The following LRP1B variants were observed in gnomAD, a reference collection of about 807,000 sequenced individuals.
LRP1B encodes the protein LDL receptor related protein 1B.
In LRP1B, 217 loss-of-function variants were observed where a neutral mutation model predicts 556.6. The observed-to-expected ratio is 0.39, with a 90% confidence interval of 0.35 to 0.44. The LOEUF is 0.44. LRP1B is among the 20% of genes least tolerant of loss of function. The pLI, the probability that LRP1B is intolerant of heterozygous loss-of-function variation, is 1.00. For synonymous variants in LRP1B, 2,047 were observed against 1,865.8 expected (o/e 1.10, Z -2.50); for missense variants, 5,053 against 5,620.8 (o/e 0.90, Z 3.23).
At position 141,105,942 on chromosome 2, in the gene LRP1B, G is replaced by A. The variant is rs142858064; in HGVS notation, c.1014-43669C>T. Among the ~76,000 whole-genome samples the A allele has an allele frequency of 4.4e-3, 671 of 152,226 alleles. 4 individuals are homozygous for A. Among genetic ancestry groups the A allele is most frequent in the African/African-American group, 0.015 (626 of 41,534 alleles). ...TTAAAAAAAAAGCTGGTCACCTTGA[G>A]AGCAGTGAAAGTTAAAAGTTGGGAG... On this transcript the variant is annotated intron_variant, in intron 7 of 90. Coordinates refer to ENST00000389484, the MANE Select transcript of LRP1B (RefSeq NM_018557.3).
At chr2:140,832,971 G>A (rs538780093) in intron 31 of LRP1B, among the ~76,000 whole-genome samples, 1 of 152,236 alleles carries the variant, frequency 6.6e-6, no homozygotes, top group Admixed American at 6.5e-5. Context: ...TTATATGCAT[G>A]TATCAAAATA....
At chr2:141,253,635 A>AT (rs1684351339) in intron 4 of LRP1B, among the ~76,000 whole-genome samples, 1 of 151,990 alleles carries the variant, frequency 6.6e-6, no homozygotes, top group Non-Finnish European at 1.5e-5. Flanking sequence ...TATCTCATGA[A>AT]TTTTTTCAAA....
chr2:141,306,828 A>G (rs1275878206), intron 3 of LRP1B, among the ~76,000 whole-genome samples: 1 of 152,042 alleles, frequency 6.6e-6, no homozygotes, highest in African/African-American at 2.4e-5. Context: ...TCATTTAAGA[A>G]ATTTTTTTAT....
rs149374393 is a variant in LRP1B at position 142,055,458 on chromosome 2, A to G, written c.82+75190T>C. Among the ~76,000 whole-genome samples, 755 of 152,310 alleles carry G rather than the reference A, an allele frequency of 5.0e-3. 9 individuals carry two copies. Among genetic ancestry groups the G allele is most frequent in the African/African-American group, 0.018 (734 of 41,580 alleles). ...GAAAAATGTAATGGGAAGAAATAAA[A>G]TTAACAGAATGTACAGGAGCCCTTT... On this transcript the variant is annotated intron_variant, in intron 1 of 90. Coordinates refer to ENST00000389484, the MANE Select transcript of LRP1B (RefSeq NM_018557.3).
At chr2:140,846,107 A>G (rs536991737) in intron 29 of LRP1B, among the ~76,000 whole-genome samples, 37 of 152,328 alleles carry the variant, frequency 2.4e-4, no homozygotes, top group African/African-American at 7.7e-4. Context: ...AGACATCACC[A>G]AAAGAATGAC....
At chr2:142,059,975 A>G (rs72849811) in intron 1 of LRP1B, among the ~76,000 whole-genome samples, 10,359 of 152,174 alleles carry the variant, frequency 0.068, 478 homozygotes, top group Non-Finnish European at 0.094. Flanking sequence ...ACCTTTTTAT[A>G]TCATGTGTTT....
At chr2:141,250,182 G>A (rs962333648) in intron 4 of LRP1B, among the ~76,000 whole-genome samples, 7 of 152,158 alleles carry the variant, frequency 4.6e-5, no homozygotes, top group African/African-American at 1.4e-4. Flanking sequence ...AATTTTTTGA[G>A]TAATAGGATT....
At chr2:140,885,256 A>G (rs1028412424) in intron 24 of LRP1B, among the ~76,000 whole-genome samples, 1 of 152,032 alleles carries the variant, frequency 6.6e-6, no homozygotes, top group African/African-American at 2.4e-5. Flanking sequence ...TGCAAAGGTG[A>G]TTTACAATGG....
intron 3 of LRP1B, among the ~76,000 whole-genome samples, chr2:141,282,941 T>G: frequency 6.6e-6 from 1 of 152,206 alleles, no homozygotes; most frequent in Non-Finnish European, 1.5e-5. Context: ...GTGTAGTATT[T>G]AATATCTTAA....
At chr2:141,895,672 T>C (rs1340864813) in intron 1 of LRP1B, among the ~76,000 whole-genome samples, 1 of 152,196 alleles carries the variant, frequency 6.6e-6, no homozygotes, top group Admixed American at 6.6e-5. Flanking sequence ...TTTATGAAAC[T>C]AGATTTATTT....
At chr2:141,764,862 CAG>C (rs1694683397) in intron 2 of LRP1B, among the ~76,000 whole-genome samples, 2 of 151,986 alleles carry the variant, frequency 1.3e-5, no homozygotes, top group South Asian at 2.1e-4. Flanking sequence ...AAATATATAA[CAG>C]AAAATATTTT....
intron 2 of LRP1B, among the ~76,000 whole-genome samples, chr2:141,634,912 G>A: frequency 6.6e-6 from 1 of 151,918 alleles, no homozygotes; most frequent in Middle Eastern, 3.4e-3. Context: ...ATTATTATTA[G>A]AGTGGTGGTT....
At chr2:140,860,019 T>A (rs543820701) in intron 27 of LRP1B, among the ~76,000 whole-genome samples, 136 of 151,296 alleles carry the variant, frequency 9.0e-4, no homozygotes, top group African/African-American at 3.1e-3. Context: ...AAATAAAAAT[T>A]AAAAAAAAAT....
intron 3 of LRP1B, among the ~76,000 whole-genome samples, chr2:141,316,738 C>G (rs1045411198): frequency 1.3e-5 from 2 of 152,190 alleles, no homozygotes; most frequent in African/African-American, 4.8e-5. Context: ...CACGCTGACT[C>G]GCATTAAGTT....
At chr2:141,448,355 G>A (rs1681276911) in intron 3 of LRP1B, among the ~76,000 whole-genome samples, 1 of 152,196 alleles carries the variant, frequency 6.6e-6, no homozygotes, top group African/African-American at 2.4e-5. Context: ...GCTGGGCTCT[G>A]TGGGGTGGGA....
intron 57 of LRP1B, among the ~76,000 whole-genome samples, chr2:140,491,885 G>C (rs1480892480): frequency 2.0e-5 from 3 of 152,140 alleles, no homozygotes. Flanking sequence ...TAAACCTCCT[G>C]GCTATTCAGG....
chr2:141,762,244 T>C (rs1294579700), intron 2 of LRP1B, among the ~76,000 whole-genome samples: 1 of 151,962 alleles, frequency 6.6e-6, no homozygotes, highest in Non-Finnish European at 1.5e-5. Context: ...GTTGAGTATT[T>C]CAATAAGCAA....
intron 2 of LRP1B, among the ~76,000 whole-genome samples, chr2:141,504,100 T>C (rs1683827821): frequency 1.3e-5 from 2 of 152,124 alleles, no homozygotes; most frequent in Non-Finnish European, 2.9e-5. Context: ...AGGAGGGATA[T>C]TGTGTGATAA....
chr2:140,395,767 A>C (rs902989030), intron 66 of LRP1B, among the ~76,000 whole-genome samples: 1 of 152,246 alleles, frequency 6.6e-6, no homozygotes, highest in Non-Finnish European at 1.5e-5. Flanking sequence ...TAAAAATTGC[A>C]TGTCAATGCA....
Sources: allele counts gnomAD v4.1 joint callset (sites outside exome capture counted in the v4.1 genomes callset), GRCh38; gene constraint gnomAD v4.1.1; transcripts MANE v1.5; gene names NCBI Gene and HGNC (gene_info 2026-07-23, HGNC 2026-07-21).